The following ANKS1B variants were observed in gnomAD, a reference collection of about 807,000 sequenced individuals.
The protein encoded by ANKS1B is ankyrin repeat and sterile alpha motif domain-containing protein 1B.
Under a neutral mutation model 148.3 loss-of-function variants are expected in ANKS1B, and 36 were observed. The ratio of observed to expected loss-of-function variants is 0.24; its 90% CI spans 0.19 to 0.32. The LOEUF is 0.32. Ranked by LOEUF, ANKS1B falls within the 10% of genes least tolerant of loss-of-function variation. The pLI is 1.00. For missense variants in ANKS1B, 1,157 were observed against 1,542.6 expected (o/e 0.75, Z 4.19); for synonymous variants, 542 against 560.8 (o/e 0.97, Z 0.47).
chr12:99,789,860 A>T (rs2153642511), intron 4 of ANKS1B, among the ~76,000 whole-genome samples: 1 of 152,314 alleles, frequency 6.6e-6, no homozygotes, highest in African/African-American at 2.4e-5. Context: ...TGCTTTCAAG[A>T]TCTAGACAAC....
intron 14 of ANKS1B, among the ~76,000 whole-genome samples, chr12:99,205,430 A>T (rs1670664169): frequency 6.6e-6 from 1 of 152,096 alleles, no homozygotes; most frequent in Admixed American, 6.5e-5. Context: ...TTTATACTAA[A>T]TTTTTTTGTT....
At chr12:99,745,603 G>T (rs915741548) in intron 8 of ANKS1B, among the ~76,000 whole-genome samples, 1 of 151,908 alleles carries the variant, frequency 6.6e-6, no homozygotes, top group African/African-American at 2.4e-5. Context: ...CATTTTTAAT[G>T]GTTTATTTTG....
intron 8 of ANKS1B, among the ~76,000 whole-genome samples, chr12:99,677,096 C>T (rs1357629194): frequency 6.6e-6 from 1 of 152,160 alleles, no homozygotes; most frequent in African/African-American, 2.4e-5. Context: ...GGTTCTTTAA[C>T]AAAAAGTTTT....
intron 14 of ANKS1B, among the ~76,000 whole-genome samples, chr12:99,230,589 T>A (rs1449600776): frequency 1.3e-5 from 2 of 152,178 alleles, no homozygotes; most frequent in Non-Finnish European, 2.9e-5. Flanking sequence ...AATTTTAGAA[T>A]ACTAGAGAAT....
At chr12:98,965,368 A>G (rs1395694467) in intron 17 of ANKS1B, among the ~76,000 whole-genome samples, 1 of 152,212 alleles carries the variant, frequency 6.6e-6, no homozygotes, top group African/African-American at 2.4e-5. Context: ...ATGTATATAA[A>G]GCATCCAATA....
chr12:98,918,733 C>A (rs1333513830), intron 17 of ANKS1B, among the ~76,000 whole-genome samples: 2 of 152,214 alleles, frequency 1.3e-5, no homozygotes, highest in Admixed American at 6.5e-5. Flanking sequence ...TTGTCTCACA[C>A]TGAGTCCTTG....
intron 10 of ANKS1B, among the ~76,000 whole-genome samples, chr12:99,483,289 T>G (rs954128687): frequency 6.6e-6 from 1 of 152,086 alleles, no homozygotes; most frequent in Non-Finnish European, 1.5e-5. Flanking sequence ...TCTGTTAATG[T>G]AATGTATCAC....
At chr12:99,679,750 G>A (rs1170194686) in intron 8 of ANKS1B, among the ~76,000 whole-genome samples, 1 of 152,172 alleles carries the variant, frequency 6.6e-6, no homozygotes, top group Non-Finnish European at 1.5e-5. Flanking sequence ...ACCAACCATT[G>A]TAGATTATGG....
In ANKS1B at chr12:99,660,799, T is replaced by C. The variant is rs895015441; in HGVS notation, c.1129-5589A>G. ...AGCTTTTCATGTTCTTCTGATAAAG[T>C]TCAAAATTCTTAATATGATCCAAAA... is the stretch of plus-strand genomic sequence containing the variant. On this transcript the variant is annotated intron_variant, in intron 8 of 26. Coordinates refer to ENST00000683438, the MANE Select transcript of ANKS1B (RefSeq NM_001352186.2). 3.9e-5 allele frequency among the ~76,000 whole-genome samples: 6 copies of C among 152,124 alleles called. No homozygotes were observed. In the South Asian group the frequency reaches 6.2e-4, roughly 16 times the overall value.
intron 17 of ANKS1B, among the ~76,000 whole-genome samples, chr12:98,927,875 G>A (rs1331948127): frequency 1.3e-5 from 2 of 151,108 alleles, no homozygotes; most frequent in Non-Finnish European, 1.5e-5. Flanking sequence ...TCAAGGCACT[G>A]GAAAAAGAAG....
chr12:99,819,520 A>G (rs1332856438), intron 2 of ANKS1B, among the ~76,000 whole-genome samples: 3 of 151,870 alleles, frequency 2.0e-5, no homozygotes, highest in Admixed American at 6.6e-5. Context: ...AATGAGATCT[A>G]GCATGCATTA....
intron 4 of ANKS1B, among the ~76,000 whole-genome samples, chr12:99,803,281 C>CCG (rs1555620528): frequency 7.3e-6 from 1 of 136,102 alleles, no homozygotes; most frequent in Non-Finnish European, 1.6e-5. Flanking sequence ...ATTCACCCCC[C>CCG]CCCAAAAAAA....
At chr12:99,284,106 G>C (rs1407491092) in intron 12 of ANKS1B, among the ~76,000 whole-genome samples, 1 of 152,152 alleles carries the variant, frequency 6.6e-6, no homozygotes, top group Non-Finnish European at 1.5e-5. Context: ...AAATCCCAGA[G>C]TAACACCGAA....
At chr12:99,815,062 A>C (rs958031617) in intron 2 of ANKS1B, among the ~76,000 whole-genome samples, 1 of 151,772 alleles carries the variant, frequency 6.6e-6, no homozygotes, top group African/African-American at 2.4e-5. Context: ...ATATATTCTG[A>C]AACAACTTCT....
intron 12 of ANKS1B, among the ~76,000 whole-genome samples, chr12:99,360,557 A>G (rs1013528336): frequency 5.3e-5 from 8 of 152,136 alleles, no homozygotes; most frequent in Admixed American, 5.2e-4. Context: ...CTTATGAAAT[A>G]TTGTGAAAGA....
intron 14 of ANKS1B, among the ~76,000 whole-genome samples, chr12:99,160,329 G>T (rs2076519936): frequency 6.6e-6 from 1 of 150,892 alleles, no homozygotes; most frequent in African/African-American, 2.4e-5. Flanking sequence ...TGTTTTCTAG[G>T]TTTTCTTCTA....
intron 12 of ANKS1B, among the ~76,000 whole-genome samples, chr12:99,380,420 T>A (rs10860427): frequency 0.3 from 45,635 of 151,756 alleles, 7,902 homozygotes; most frequent in East Asian, 0.48. Context: ...CTTAATTTTG[T>A]AGTTTTTAGA....
chr12:98,995,858 A>G lies in ANKS1B; in HGVS notation c.2778+57299T>C, dbSNP rs547753202. Among the ~76,000 whole-genome samples, 7 of 152,312 alleles carry G rather than the reference A, an allele frequency of 4.6e-5. No homozygotes were observed. In the South Asian group the frequency reaches 1.0e-3, roughly 23 times the overall value. ...CAGCACTGAGAGTCCAGGGAGACCA[A>G]TGCAATCAGAGTACAGGGAAGAGGA... On this transcript the variant is annotated intron_variant, in intron 17 of 26. Transcript: ENST00000683438.
intron 19 of ANKS1B, among the ~76,000 whole-genome samples, chr12:98,823,068 T>G (rs2099212715): frequency 6.6e-6 from 1 of 152,236 alleles, no homozygotes; most frequent in African/African-American, 2.4e-5. Context: ...ACATCAGGTT[T>G]AAATTCCAAG....
Sources: gnomAD v4.1 joint callset for allele counts (sites outside exome capture counted in the v4.1 genomes callset) on GRCh38, gnomAD v4.1.1 for gene constraint, MANE v1.5 for transcripts, NCBI Gene and HGNC (gene_info 2026-07-23, HGNC 2026-07-21) for gene names.